ELMO1: variants seen among roughly 807,000 people sequenced by gnomAD.
ELMO1 encodes engulfment and cell motility protein 1.
ELMO1 carries 26 observed loss-of-function variants against 98.9 expected under a neutral mutation model. That is an observed-to-expected ratio of 0.26 (90% confidence interval 0.19 to 0.36). The LOEUF is 0.36. ELMO1 is among the 10% of genes least tolerant of loss of function. ELMO1 has a pLI of 1.00. For synonymous variants in ELMO1, 346 were observed against 346.0 expected (o/e 1.00, Z 0.00); for missense variants, 627 against 935.2 (o/e 0.67, Z 4.30).
At chr7:37,147,506 T>C (rs1213257296) in intron 13 of ELMO1, among the ~76,000 whole-genome samples, 1 of 152,166 alleles carries the variant, frequency 6.6e-6, no homozygotes, top group East Asian at 1.9e-4. Flanking sequence ...ACTAAGGGAA[T>C]ATCCTCCCTG....
intron 13 of ELMO1, chr7:37,197,309 T>G (rs1441452603): frequency 6.6e-6 from 1 of 152,240 alleles, no homozygotes; most frequent in Non-Finnish European, 1.5e-5. Context: ...TCTTGTCCCT[T>G]CCCATTGGAA....
intron 4 of ELMO1, among the ~76,000 whole-genome samples, chr7:37,283,432 G>T (rs1339272514): frequency 6.6e-6 from 1 of 152,184 alleles, no homozygotes; most frequent in Non-Finnish European, 1.5e-5. Flanking sequence ...CTAGGCTGGG[G>T]ACTAAAAGCT....
chr7:37,094,038 C>T (rs1405808705), intron 15 of ELMO1, among the ~76,000 whole-genome samples: 1 of 152,194 alleles, frequency 6.6e-6, no homozygotes, highest in Admixed American at 6.5e-5. Flanking sequence ...TTCTGAACTC[C>T]TTCGGGGACA....
intron 16 of ELMO1, among the ~76,000 whole-genome samples, chr7:36,933,192 G>C (rs1327233808): frequency 2.0e-5 from 3 of 152,184 alleles, no homozygotes; most frequent in Non-Finnish European, 4.4e-5. Context: ...GAGACTCCAG[G>C]CTGCAGGCGA....
At position 36,855,677 on chromosome 7, in the gene ELMO1, C is replaced by T. The variant is rs1289242102; in HGVS notation, c.2058G>A (p.Leu686=). The change falls in exon 22 of 22, where the codon CTG becomes CTA. Residue 686 remains leucine, a synonymous_variant. Transcript: ENST00000310758. The surrounding 1 kb of genome is among the most constrained non-coding windows in gnomAD (Gnocchi z 4.2). The part of the protein sequence containing the change: ...DMMSDLTRND[L]DTLLSMEIKL... ...TGATTTCCATGCTGAGCAGGGTGTC[C>T]AGGTCATTCCGCGTCAGGTCGCTCA... The T allele has an allele frequency of 1.2e-6, 2 of 1,614,092 alleles. No homozygotes were observed. The highest frequency in any genetic ancestry group is 8.5e-7 in the Non-Finnish European group (1 of 1,179,996).
intron 15 of ELMO1, among the ~76,000 whole-genome samples, chr7:37,080,516 C>A (rs1797811073): frequency 6.6e-6 from 1 of 150,680 alleles, no homozygotes; most frequent in South Asian, 2.1e-4. Context: ...CAGTTCACTG[C>A]CATCTCTGCC....
rs555150495 is a variant in ELMO1, at chr7:37,031,888, C to T, written c.1301-18453G>A. Among the ~76,000 whole-genome samples the T allele has an allele frequency of 7.9e-5, 12 of 152,250 alleles. No individual in the cohort carries two copies. In the South Asian group the frequency reaches 2.5e-3, roughly 32 times the overall value. On this transcript the variant is annotated intron_variant, in intron 15 of 21. Transcript: ENST00000310758. ...GACAGTTAATCATTAAACATCCTTCCCCACTGGCAAAACAAAACATGACCA... is the reference window on the plus strand; with the variant it reads ...GACAGTTAATCATTAAACATCCTTCTCCACTGGCAAAACAAAACATGACCA...
chr7:37,417,982 C>A (rs755730170), intron 1 of ELMO1, among the ~76,000 whole-genome samples: 30 of 152,166 alleles, frequency 2.0e-4, no homozygotes, highest in Non-Finnish European at 4.0e-4. Flanking sequence ...CAAGGAAAGA[C>A]CCTCCCCTGG....
chr7:37,024,637 T>C (rs1449442601), intron 15 of ELMO1, among the ~76,000 whole-genome samples: 2 of 152,218 alleles, frequency 1.3e-5, no homozygotes, highest in Non-Finnish European at 2.9e-5. Flanking sequence ...AGTCTGTTCA[T>C]GTCCCTGAGA....
intron 15 of ELMO1, among the ~76,000 whole-genome samples, chr7:37,039,044 A>G (rs747988623): frequency 6.6e-6 from 1 of 152,202 alleles, no homozygotes; most frequent in South Asian, 2.1e-4. Context: ...AGTTAGTAGC[A>G]CTTGGAAACT....
intron 16 of ELMO1, among the ~76,000 whole-genome samples, chr7:36,941,747 G>A (rs988133208): frequency 4.6e-5 from 7 of 152,188 alleles, no homozygotes; most frequent in Non-Finnish European, 4.4e-5. Flanking sequence ...TGGGCAAATG[G>A]CCAAACATGT....
chr7:37,263,378 G>C (rs1208644045), intron 5 of ELMO1, among the ~76,000 whole-genome samples: 1 of 152,060 alleles, frequency 6.6e-6, no homozygotes, highest in Non-Finnish European at 1.5e-5. Flanking sequence ...AAATACTTCT[G>C]AAAAGCTTGA....
intron 2 of ELMO1, among the ~76,000 whole-genome samples, chr7:37,337,792 A>G (rs2723989): frequency 0.46 from 70,622 of 152,010 alleles, 17,220 homozygotes; most frequent in Non-Finnish European, 0.56. Flanking sequence ...GGCAGAGACA[A>G]GAAATACTGG....
chr7:37,017,512 T>TG (rs1375813288), intron 15 of ELMO1, among the ~76,000 whole-genome samples: 3 of 152,196 alleles, frequency 2.0e-5, no homozygotes, highest in Non-Finnish European at 4.4e-5. Context: ...TGAAAACTGC[T>TG]GGGCACTGTT....
chr7:36,887,971 G>A (rs1355734007), intron 17 of ELMO1, among the ~76,000 whole-genome samples: 1 of 152,148 alleles, frequency 6.6e-6, no homozygotes, highest in Non-Finnish European at 1.5e-5. Flanking sequence ...CAAAGCCACG[G>A]ATACAAAGTT....
intron 19 of ELMO1, among the ~76,000 whole-genome samples, chr7:36,873,694 GC>G (rs1803722740): frequency 6.6e-6 from 1 of 152,308 alleles, no homozygotes; most frequent in East Asian, 1.9e-4. Flanking sequence ...TAAGGGGCCA[GC>G]CCCCCAAATC....
chr7:37,147,948 C>T (rs146733490), intron 13 of ELMO1, among the ~76,000 whole-genome samples: 34 of 152,082 alleles, frequency 2.2e-4, no homozygotes, highest in Middle Eastern at 3.4e-3. Flanking sequence ...GGACTAACAA[C>T]GTCTTCAGGC....
intron 2 of ELMO1, among the ~76,000 whole-genome samples, chr7:37,337,764 C>A (rs1185019950): frequency 4.6e-5 from 7 of 152,100 alleles, no homozygotes. Context: ...CCTTGAAAAG[C>A]AAGGCCTGAG....
At chr7:37,202,968 C>G (rs1016750898) in intron 13 of ELMO1, among the ~76,000 whole-genome samples, 1 of 152,116 alleles carries the variant, frequency 6.6e-6, no homozygotes, top group African/African-American at 2.4e-5. Context: ...GTCCCTGGAC[C>G]CTGCTGATCG....
Sources: gnomAD v4.1 joint callset for allele counts (sites outside exome capture counted in the v4.1 genomes callset) on GRCh38, gnomAD v4.1.1 for gene constraint, Gnocchi (gnomAD v3.1) non-coding constraint, MANE v1.5 for transcripts, NCBI Gene and HGNC (gene_info 2026-07-23, HGNC 2026-07-21) for gene names.